Variants in SON observed in about 807,000 individuals in gnomAD.
SON encodes SON DNA and RNA binding protein, also known as protein SON.
SON carries 4 observed loss-of-function variants against 173.3 expected under a neutral mutation model. The observed-to-expected ratio is 0.02, with a 90% CI of 0.01 to 0.05. The LOEUF (loss-of-function observed/expected upper bound fraction) is 0.05, where lower values mean the gene tolerates loss of function less well. Ranked by LOEUF, SON falls within the 10% of genes least tolerant of loss-of-function variation. SON has a pLI of 1.00. For synonymous variants in SON, 1,190 were observed against 1,105.9 expected, an observed-to-expected ratio of 1.08 and a Z score of -1.51; for missense variants, 2,626 against 3,055.3, an observed-to-expected ratio of 0.86 and a Z score of 3.31.
chr21:33,543,514 C>T (rs561259857), intron 1 of SON: 6 of 276,784 alleles, frequency 2.2e-5, no homozygotes, highest in South Asian at 1.2e-4. Flanking sequence ...CTCAGCTCCT[C>T]CTCCGCCGCC....
rs1000799196 is a variant in SON, at chr21:33,567,005, CTCTT to C, written c.6658-148_6658-145del. ...CTCTTCTGTTTTCCAAGATTACTTT[CTCTT>C]TCTGAGTCTTCTCCCTGTTTTCCAA... On this transcript the variant is annotated intron_variant, in intron 6 of 11. Coordinates refer to ENST00000356577, the MANE Select transcript of SON (RefSeq NM_138927.4). 1.5e-4 allele frequency: 75 copies of C among 497,878 alleles called. 1 individual carries two copies. Among genetic ancestry groups the C allele is most frequent in the African/African-American group, 1.2e-3 (65 of 52,010 alleles). 30.8% of individuals were successfully genotyped at this position (497,878 alleles called of 1,614,324 possible). A position where few individuals can be genotyped will look rare whatever the true frequency, so the allele number is the denominator to read the frequency against.
In SON at chr21:33,543,078, A is replaced by T; in HGVS notation, c.-15A>T. ...AGGACTAGCGAGGAGGAGTTGAGAG[A>T]ACGGAGCGGACGCCATGGCGACCAA... is the stretch of plus-strand genomic sequence containing the variant. On this transcript the variant is annotated 5_prime_UTR_variant, in exon 1 of 12. Coordinates refer to ENST00000356577, the MANE Select transcript of SON (RefSeq NM_138927.4). The T allele has an allele frequency of 6.2e-7, 1 of 1,613,834 alleles. No homozygotes were observed. The highest frequency in any genetic ancestry group is 8.5e-7 in the Non-Finnish European group (1 of 1,179,642).
At chr21:33,574,928 C>T (rs1242640795) in intron 9 of SON, among the ~76,000 whole-genome samples, 5 of 152,278 alleles carry the variant, frequency 3.3e-5, no homozygotes, top group South Asian at 2.1e-4. Context: ...TATTTGGAGA[C>T]AACCGTTTTC....
chr21:33,550,016 C>T lies in SON; in HGVS notation c.785C>T (p.Pro262Leu). 6.2e-7 allele frequency: 1 copy of T among 1,614,088 alleles called. No homozygotes were observed. Residue 262 changes from proline to leucine, a missense_variant, in exon 3 of 12, where the codon CCA becomes CTA. By Grantham distance (98) the Pro-to-Leu change is moderately conservative. Around this residue, in one of 13 missense-constraint regions of SON, gnomAD observed 757 missense variants for 730.1 expected, o/e 1.04. Transcript: ENST00000356577. Reference sequence around the variant, plus strand: ...ACACTGGTGTTGAAGTCATCTGAGCCAGTTGTAACAATGTCAGTGGAGTAT... The same window carrying T: ...ACACTGGTGTTGAAGTCATCTGAGCTAGTTGTAACAATGTCAGTGGAGTAT... The part of the protein sequence containing the change: ...TTTLVLKSSE[P>L]VVTMSVEYQM...
Position 33,554,806 on chromosome 21 carries a change from T to C in SON, c.5575T>C (p.Ser1859Pro). 3 of 1,613,832 alleles carry C rather than the reference T, an allele frequency of 1.9e-6. No individual in the cohort carries two copies. The highest frequency in any genetic ancestry group is 2.5e-6 in the Non-Finnish European group (3 of 1,180,010). ...ATCATCTAAGTCCAAGTCTCATCGC[T>C]CTCAGACACGTTCACGGTCACGTTC... Reference protein sequence around the residue: ...KRSSKSKSHRSQTRSRSRSRR... With the variant: ...KRSSKSKSHRPQTRSRSRSRR... The change falls in exon 3 of 12, where the codon TCT becomes CCT. Residue 1859 changes from serine (S) to proline (P), a missense_variant. Ser to Pro is a moderately conservative substitution (Grantham distance 74). Transcript: ENST00000356577.
chr21:33,559,155 T>G lies in SON; in HGVS notation c.6322-75T>G. 1.7e-6 allele frequency: 2 copies of G among 1,188,526 alleles called. No individual in the cohort carries two copies. The highest frequency in any genetic ancestry group is 2.3e-6 in the Non-Finnish European group (2 of 865,874). The allele number at this position is 1,188,526 out of a possible 1,614,324, so 73.6% of individuals were successfully genotyped here. A position where few individuals can be genotyped will look rare whatever the true frequency, so the allele number is the denominator to read the frequency against. ...TTAACTTTGGAAAGTTGCTATTATG[T>G]GGTTTTGATTCTAAGAAATTACATG... is the stretch of plus-strand genomic sequence containing the variant. On this transcript the variant is annotated intron_variant, in intron 4 of 11. Transcript: ENST00000356577. This position sits in a 1 kb window ranked among gnomAD's most constrained non-coding sequence, Gnocchi z 4.1.
In SON at chr21:33,554,188, G is replaced by A. The variant is rs769488005; in HGVS notation, c.4957G>A (p.Ala1653Thr). Residue 1653 changes from alanine to threonine, a missense_variant, in exon 3 of 12, where the codon GCT (alanine) becomes ACT (threonine). Ala to Thr is a moderately conservative substitution (Grantham distance 58). Transcript: ENST00000356577. ...ISTSPSGGSEADIEGPLPAKD... is the reference protein window; with the variant it reads ...ISTSPSGGSETDIEGPLPAKD... ...CACCAGTCCTAGTGGTGGTAGTGAA[G>A]CTGACATTGAAGGGCCTTTGCCTGC... 3 of 1,614,042 alleles carry A rather than the reference G, an allele frequency of 1.9e-6. No individual in the cohort carries two copies. In the African/African-American group the frequency reaches 4.0e-5, roughly 22 times the overall value.
intron 4 of SON, 39 bp downstream of exon 4, chr21:33,557,355 T>C: frequency 6.2e-7 from 1 of 1,607,590 alleles, no homozygotes; most frequent in Non-Finnish European, 8.5e-7. Context: ...TTAAATGGAT[T>C]ATTCCAGTGA....
rs148591619 is a variant in SON at position 33,552,957 on chromosome 21, A to G, written c.3726A>G (p.Ser1242=). ...CATCAGATCCCTCAGTTTTAGTATC[A>G]GAGGCTGCTGTGACTGTTCCAGAAC... ...VSASDPSVLV[S]EAAVTVPEPP... is the part of the protein sequence containing the mutation. Residue 1242 remains serine, a synonymous_variant, in exon 3 of 12, where the codon TCA becomes TCG. Transcript: ENST00000356577. The surrounding 1 kb of genome is among the most constrained non-coding windows in gnomAD (Gnocchi z 5.6). 1.8e-3 allele frequency: 2,833 copies of G among 1,614,218 alleles called. 3 individuals carry two copies. The highest frequency in any genetic ancestry group is 2.2e-3 in the Non-Finnish European group (2,570 of 1,180,024).
Position 33,577,342 on chromosome 21 carries a change from T to G in SON, c.*918T>G, listed in dbSNP as rs553341333. On this transcript the variant is annotated 3_prime_UTR_variant, in exon 12 of 12. Transcript: ENST00000356577. Reference sequence around the variant, plus strand: ...GGCAACCAGCCACTATTTTGTTGACTATGAGAAAGTTAAAAGTTTATGTTA... The same window carrying G: ...GGCAACCAGCCACTATTTTGTTGACGATGAGAAAGTTAAAAGTTTATGTTA... 6.5e-6 allele frequency: 1 copy of G among 152,714 alleles called. No individual in the cohort carries two copies. Among genetic ancestry groups the G allele is most frequent in the African/African-American group, 2.4e-5 (1 of 41,536 alleles). 9.5% of individuals were successfully genotyped at this position (152,714 alleles called of 1,614,324 possible).
In SON at chr21:33,554,277, A is replaced by G. The variant is rs1192773616; in HGVS notation, c.5046A>G (p.Pro1682=). The change falls in exon 3 of 12, where the codon CCA becomes CCG. Residue 1682 remains proline, a synonymous_variant. Coordinates refer to ENST00000356577, the MANE Select transcript of SON (RefSeq NM_138927.4). ...NNLVSKDTEE[P]LPVKESDQTL... is the part of the protein sequence containing the mutation. ...TTGTTAGTAAGGATACAGAAGAACCATTACCTGTAAAAGAGAGTGACCAGA... is the reference window on the plus strand; with the variant it reads ...TTGTTAGTAAGGATACAGAAGAACCGTTACCTGTAAAAGAGAGTGACCAGA... 8 of 1,614,042 alleles carry G rather than the reference A, an allele frequency of 5.0e-6. No homozygotes were observed. Among genetic ancestry groups the G allele is most frequent in the South Asian group, 4.4e-5 (4 of 91,086 alleles).
chr21:33,557,386 A>C, intron 4 of SON, 70 bp downstream of exon 4: 1 of 1,579,824 alleles, frequency 6.3e-7, no homozygotes, highest in African/African-American at 1.3e-5. Context: ...GGAGCGTGCC[A>C]AAACCCGAAT....
In SON at chr21:33,553,502, T is replaced by C. The variant is rs1425557874; in HGVS notation, c.4271T>C (p.Val1424Ala). The C allele has an allele frequency of 6.2e-7, 1 of 1,614,076 alleles. No individual in the cohort carries two copies. The highest frequency in any genetic ancestry group is 8.5e-7 in the Non-Finnish European group (1 of 1,180,050). ...TCTGTGCCTGTTCTGGAACCAGCGG[T>C]GTCAGTCCTTCAACCTTCTATGATT... ...EPSVPVLEPA[V>A]SVLQPSMIVS... Residue 1424 changes from valine to alanine, a missense_variant, in exon 3 of 12, where the codon GTG becomes GCG. By Grantham distance (64) the Val-to-Ala change is moderately conservative (BLOSUM62 0). Around this residue, in one of 13 missense-constraint regions of SON, gnomAD observed 1,006 missense variants for 895.6 expected, o/e 1.12. Coordinates refer to ENST00000356577, the MANE Select transcript of SON (RefSeq NM_138927.4).
In SON at chr21:33,552,082, T is replaced by G; in HGVS notation, c.2851T>G (p.Leu951Val). ...CAGGTTAGGACAAGACCCTTATAGA[T>G]TAGGCCATGATCCCTACAGACTAAC... ...AYRLGQDPYR[L>V]GHDPYRLTPD... Residue 951 changes from leucine (L) to valine (V), a missense_variant, in exon 3 of 12, where the codon TTA (leucine) becomes GTA (valine). Physicochemically the swap from Leu to Val is conservative, Grantham distance 32. Coordinates refer to ENST00000356577, the MANE Select transcript of SON (RefSeq NM_138927.4). The surrounding 1 kb of genome is among the most constrained non-coding windows in gnomAD (Gnocchi z 5.6). 1.2e-6 allele frequency: 2 copies of G among 1,613,994 alleles called. No individual in the cohort carries two copies. The highest frequency in any genetic ancestry group is 1.7e-6 in the Non-Finnish European group (2 of 1,179,968).
intron 7 of SON, among the ~76,000 whole-genome samples, chr21:33,567,749 C>T (rs1236568350): frequency 6.6e-6 from 1 of 152,028 alleles, no homozygotes; most frequent in Admixed American, 6.6e-5. Flanking sequence ...CCCATCTCTA[C>T]TAAAAATACA....
intron 6 of SON, chr21:33,560,147 G>A (rs371800816): frequency 6.8e-6 from 11 of 1,606,874 alleles, no homozygotes; most frequent in African/African-American, 6.7e-5. Context: ...TTATCGGGTG[G>A]AGGGATTGAT....
Position 33,576,799 on chromosome 21 carries a change from C to A in SON, c.*375C>A. Reference sequence around the variant, plus strand: ...GTGATGTATTTGTTTAAGTGGCTAACATCCAAACGACTGTTTGAAGGCATC... The same window carrying A: ...GTGATGTATTTGTTTAAGTGGCTAAAATCCAAACGACTGTTTGAAGGCATC... On this transcript the variant is annotated 3_prime_UTR_variant, in exon 12 of 12. Transcript: ENST00000356577. The A allele has an allele frequency of 5.8e-6, 2 of 345,642 alleles. No homozygotes were observed. Among genetic ancestry groups the A allele is most frequent in the East Asian group, 7.0e-5 (1 of 14,340 alleles). 21.4% of individuals were successfully genotyped at this position (345,642 alleles called of 1,614,324 possible). A position where few individuals can be genotyped will look rare whatever the true frequency, so the allele number is the denominator to read the frequency against.
rs1245418021 is a variant in SON at position 33,551,511 on chromosome 21, C to T, written c.2280C>T (p.Thr760=). The change falls in exon 3 of 12, where the codon ACC becomes ACT. Residue 760 remains threonine (T), a synonymous_variant. Transcript: ENST00000356577. ...ACTCCCAGATGTTAGCGTCTAGCACCATGGACTCCCAGATGTTAGCAACTA... is the reference window on the plus strand; with the variant it reads ...ACTCCCAGATGTTAGCGTCTAGCACTATGGACTCCCAGATGTTAGCAACTA... ...TMDSQMLASS[T]MDSQMLATSS... is the part of the protein sequence containing the mutation. 12 of 1,613,696 alleles carry T rather than the reference C, an allele frequency of 7.4e-6. No individual in the cohort carries two copies. Among genetic ancestry groups the T allele is most frequent in the Non-Finnish European group, 1.0e-5 (12 of 1,179,844 alleles).
At chr21:33,565,463 A>G (rs1229447023) in intron 6 of SON, among the ~76,000 whole-genome samples, 1 of 152,208 alleles carries the variant, frequency 6.6e-6, no homozygotes, top group Non-Finnish European at 1.5e-5. Flanking sequence ...AATTACCTTG[A>G]TAATCCTACC....
Sources: gnomAD v4.1 joint callset for allele counts (sites outside exome capture counted in the v4.1 genomes callset) on GRCh38, gnomAD v4.1.1 for gene constraint, gnomAD v4.1.1 regional missense constraint, Gnocchi (gnomAD v3.1) non-coding constraint, MANE v1.5 for transcripts, NCBI Gene and HGNC (gene_info 2026-07-23, HGNC 2026-07-21) for gene names.